Variants in KIAA1549L observed in about 807,000 individuals in gnomAD.
The protein encoded by KIAA1549L is KIAA1549 like, also known as UPF0606 protein KIAA1549L.
KIAA1549L carries 88 observed loss-of-function variants against 160.7 expected under a neutral mutation model. That is an observed-to-expected ratio of 0.55 (90% CI 0.46 to 0.65). The LOEUF (loss-of-function observed/expected upper bound fraction) is 0.65. KIAA1549L is among the 30% of genes least tolerant of loss of function. The probability of loss-of-function intolerance (pLI) is 0.00; values close to 1 mark genes in which losing one functional copy is unlikely to be tolerated. For missense variants in KIAA1549L, 2,258 were observed against 2,437.5 expected (o/e 0.93, Z 1.55); for synonymous variants, 950 against 976.7 (o/e 0.97, Z 0.51).
At position 33,495,812 on chromosome 11, in the gene KIAA1549L, T is replaced by C. The variant is rs866138972; in HGVS notation, c.239-45990T>C. Reference sequence around the variant, plus strand: ...TGTTGTTTCCTGACTTTTTAATGATTGCCATTCTAACTGGTGTGAGATGGT... The same window carrying C: ...TGTTGTTTCCTGACTTTTTAATGATCGCCATTCTAACTGGTGTGAGATGGT... On this transcript the variant is annotated intron_variant, in intron 1 of 20. Transcript: ENST00000658780. Among the ~76,000 whole-genome samples, 1,181 of 151,902 alleles carry C rather than the reference T, an allele frequency of 7.8e-3. 11 individuals are homozygous for C. The highest frequency in any genetic ancestry group is 0.027 in the African/African-American group (1,122 of 41,302).
chr11:33,647,038 T>C (rs1169767099), intron 17 of KIAA1549L, among the ~76,000 whole-genome samples: 1 of 152,136 alleles, frequency 6.6e-6, no homozygotes, highest in Non-Finnish European at 1.5e-5. Context: ...TTAAATGAGT[T>C]GGTGTATGTA....
intron 1 of KIAA1549L, among the ~76,000 whole-genome samples, chr11:33,513,417 T>C (rs1028173503): frequency 6.6e-6 from 1 of 152,174 alleles, no homozygotes; most frequent in Non-Finnish European, 1.5e-5. Flanking sequence ...CATCGTGGCA[T>C]GTAGATCCTG....
intron 11 of KIAA1549L, among the ~76,000 whole-genome samples, chr11:33,585,916 G>A (rs1468465896): frequency 2.6e-5 from 4 of 152,188 alleles, no homozygotes; most frequent in Non-Finnish European, 4.4e-5. Flanking sequence ...ACTTGTGTGC[G>A]GTGGAGCTGG....
intron 6 of KIAA1549L, among the ~76,000 whole-genome samples, chr11:33,557,172 A>G (rs1295553389): frequency 6.6e-6 from 1 of 152,062 alleles, no homozygotes; most frequent in Admixed American, 6.6e-5. Context: ...TATTTTTTGT[A>G]GAGACAGGAT....
chr11:33,502,542 T>C (rs1224805462), intron 1 of KIAA1549L, among the ~76,000 whole-genome samples: 1 of 152,208 alleles, frequency 6.6e-6, no homozygotes, highest in East Asian at 1.9e-4. Flanking sequence ...TGTCCTGGAG[T>C]TTCAGTGTTT....
chr11:33,611,404 G>C (rs555978545), intron 15 of KIAA1549L, among the ~76,000 whole-genome samples: 4 of 152,330 alleles, frequency 2.6e-5, no homozygotes, highest in African/African-American at 9.6e-5. Context: ...CAAGCTGGGA[G>C]GTGGGGCTGA....
At chr11:33,484,454 A>C (rs1430741823) in intron 1 of KIAA1549L, among the ~76,000 whole-genome samples, 1 of 152,240 alleles carries the variant, frequency 6.6e-6, no homozygotes, top group Non-Finnish European at 1.5e-5. Context: ...ACCTGCAGCC[A>C]GACTGCCTGG....
chr11:33,411,600 T>G lies in KIAA1549L; in HGVS notation c.238+34711T>G, dbSNP rs931303840. On this transcript the variant is annotated intron_variant, in intron 1 of 20. Coordinates refer to ENST00000658780, the MANE Select transcript of KIAA1549L (RefSeq NM_012194.3). ...TTTGTTTGTTTTGTTCAGCTTTTCGTTTTTGTTTTGCTGATTTGTGAAATT... is the reference window on the plus strand; with the variant it reads ...TTTGTTTGTTTTGTTCAGCTTTTCGGTTTTGTTTTGCTGATTTGTGAAATT... Among the ~76,000 whole-genome samples the G allele has an allele frequency of 5.5e-4, 84 of 152,210 alleles. 1 individual carries two copies. The highest frequency in any genetic ancestry group is 2.0e-3 in the African/African-American group (81 of 41,456).
chr11:33,518,768 A>G (rs1405459795), intron 1 of KIAA1549L, among the ~76,000 whole-genome samples: 1 of 152,212 alleles, frequency 6.6e-6, no homozygotes, highest in Admixed American at 6.5e-5. Context: ...ATTTTCCCCT[A>G]ATAGTTCTTC....
intron 1 of KIAA1549L, among the ~76,000 whole-genome samples, chr11:33,538,937 G>GT (rs1164661192): frequency 1.3e-5 from 2 of 152,224 alleles, no homozygotes; most frequent in African/African-American, 4.8e-5. Context: ...TTAAAGGGAA[G>GT]TGCCCCCGTC....
At chr11:33,446,265 T>G (rs1464546888) in intron 1 of KIAA1549L, among the ~76,000 whole-genome samples, 8 of 152,096 alleles carry the variant, frequency 5.3e-5, no homozygotes, top group East Asian at 1.9e-4. Context: ...TGGCTAATTT[T>G]TGTATTTTTA....
Position 33,543,952 on chromosome 11 carries a change from A to G in KIAA1549L, c.2389A>G (p.Ser797Gly), listed in dbSNP as rs376036450. 8.6e-5 allele frequency: 139 copies of G among 1,613,888 alleles called. No homozygotes were observed. Among genetic ancestry groups the G allele is most frequent in the Non-Finnish European group, 1.1e-4 (135 of 1,179,900 alleles). ...VQQSDMTMVG[S>G]HIDLWPTSNN... The stretch of plus-strand genomic sequence containing the variant: ...ACAGTCAGACATGACCATGGTTGGA[A>G]GCCATATAGACCTCTGGCCCACAAG... Residue 797 changes from serine to glycine, a missense_variant, in exon 2 of 21, where the codon AGC (serine) becomes GGC (glycine). Physicochemically the swap from Ser to Gly is moderately conservative, Grantham distance 56. This residue lies in a region of KIAA1549L where 287 missense variants were observed against 292.3 expected (regional missense o/e 0.98). Transcript: ENST00000658780.
chr11:33,660,303 C>T (rs1038491395), intron 19 of KIAA1549L, among the ~76,000 whole-genome samples: 5 of 152,130 alleles, frequency 3.3e-5, no homozygotes, highest in East Asian at 1.9e-4. Context: ...GGTGGCCTGG[C>T]GCGGTGGCTC....
At chr11:33,577,543 TGAG>T (rs1855492222) in intron 10 of KIAA1549L, among the ~76,000 whole-genome samples, 1 of 152,166 alleles carries the variant, frequency 6.6e-6, no homozygotes, top group Non-Finnish European at 1.5e-5. Flanking sequence ...TCCTTTCTAA[TGAG>T]GAGAAAGTGG....
intron 16 of KIAA1549L, among the ~76,000 whole-genome samples, chr11:33,635,969 A>G (rs1243815281): frequency 1.3e-5 from 2 of 152,214 alleles, no homozygotes; most frequent in African/African-American, 2.4e-5. Context: ...GATAATTTAT[A>G]CGTTTTAAAT....
At chr11:33,455,812 G>A (rs1192352659) in intron 1 of KIAA1549L, among the ~76,000 whole-genome samples, 1 of 152,106 alleles carries the variant, frequency 6.6e-6, no homozygotes, top group Non-Finnish European at 1.5e-5. Flanking sequence ...ATTTTTTTTA[G>A]AGTTCATTCT....
intron 16 of KIAA1549L, among the ~76,000 whole-genome samples, 170 bp downstream of exon 16, chr11:33,618,832 T>C (rs962713243): frequency 6.6e-6 from 1 of 152,268 alleles, no homozygotes; most frequent in African/African-American, 2.4e-5. Context: ...CTACTTGGAA[T>C]GTGTCAGAGT....
At position 33,583,460 on chromosome 11, in the gene KIAA1549L, T is replaced by C; in HGVS notation, c.4525T>C (p.Phe1509Leu). The change falls in exon 11 of 21, where the codon TTC (phenylalanine) becomes CTC (leucine). Residue 1509 changes from phenylalanine to leucine, a missense_variant. By Grantham distance (22) the Phe-to-Leu change is conservative. Around this residue, in one of 6 missense-constraint regions of KIAA1549L, gnomAD observed 1,359 missense variants for 1,546.6 expected, o/e 0.88. Coordinates refer to ENST00000658780, the MANE Select transcript of KIAA1549L (RefSeq NM_012194.3). Reference protein sequence around the residue: ...AVLCRKNKNDFKPDTMINLPQ... With the variant: ...AVLCRKNKNDLKPDTMINLPQ... ...GCTCTGCAGGAAGAACAAGAACGAC[T>C]TCAAGCCTGACACCATGATAAACCT... is the stretch of plus-strand genomic sequence containing the variant. 1 of 1,584,140 alleles carries C rather than the reference T, an allele frequency of 6.3e-7. No homozygotes were observed. The highest frequency in any genetic ancestry group is 8.6e-7 in the Non-Finnish European group (1 of 1,165,444).
Position 33,648,578 on chromosome 11 carries a change from A to G in KIAA1549L, c.5760+2542A>G, listed in dbSNP as rs1851791704. Among the ~76,000 whole-genome samples, 2 of 151,994 alleles carry G rather than the reference A, an allele frequency of 1.3e-5. 1 individual carries two copies. Among genetic ancestry groups the G allele is most frequent in the Non-Finnish European group, 2.9e-5 (2 of 67,992 alleles). ...GAAGATAATTGGAAGCTGGTGGTTT[A>G]AATACACTAGGCCAGGCTAATGGCA... On this transcript the variant is annotated intron_variant, in intron 17 of 20. Coordinates refer to ENST00000658780, the MANE Select transcript of KIAA1549L (RefSeq NM_012194.3).
Sources: gnomAD v4.1 joint callset for allele counts (sites outside exome capture counted in the v4.1 genomes callset) on GRCh38, gnomAD v4.1.1 for gene constraint, gnomAD v4.1.1 regional missense constraint, MANE v1.5 for transcripts, NCBI Gene and HGNC (gene_info 2026-07-23, HGNC 2026-07-21) for gene names.